Variants in CDH12 observed in about 807,000 individuals in gnomAD.
The protein encoded by CDH12 is cadherin-12.
CDH12 carries 41 observed loss-of-function variants against 74.1 expected under a neutral mutation model. The observed-to-expected ratio is 0.55, with a 90% CI of 0.43 to 0.72. The LOEUF (loss-of-function observed/expected upper bound fraction) is 0.72. CDH12 is among the 30% of genes least tolerant of loss of function. The pLI, the probability that CDH12 is intolerant of heterozygous loss-of-function variation, is 0.00. For synonymous variants in CDH12, 399 were observed against 355.0 expected (o/e 1.12, Z -1.39); for missense variants, 945 against 977.2 (o/e 0.97, Z 0.44).
intron 1 of CDH12, among the ~76,000 whole-genome samples, chr5:22,616,672 G>A (rs976438707): frequency 3.3e-5 from 5 of 151,984 alleles, no homozygotes; most frequent in Admixed American, 2.0e-4. Context: ...ATGATGAAAA[G>A]AAAGAAAGTA....
At chr5:22,117,889 C>G (rs1277079465) in intron 4 of CDH12, among the ~76,000 whole-genome samples, 1 of 151,776 alleles carries the variant, frequency 6.6e-6, no homozygotes, top group Non-Finnish European at 1.5e-5. Context: ...ACATAGATAA[C>G]ATAATTTAAT....
At chr5:22,342,702 TTC>T (rs1358649674) in intron 3 of CDH12, among the ~76,000 whole-genome samples, 2 of 150,068 alleles carry the variant, frequency 1.3e-5, no homozygotes, top group African/African-American at 4.9e-5. Context: ...TTCTTCTTTT[TTC>T]TTTCCTTCCC....
Position 22,319,759 on chromosome 5 carries a change from C to T in CDH12, c.-333+85498G>A, listed in dbSNP as rs567884666. On this transcript the variant is annotated intron_variant, in intron 3 of 14. Coordinates refer to ENST00000382254, the MANE Select transcript of CDH12 (RefSeq NM_004061.5). Reference sequence around the variant, plus strand: ...ACTAGATGAAAAAATATCACCCTTTCCATTGGGATCATTTCAGGGTTCCTT... The same window carrying T: ...ACTAGATGAAAAAATATCACCCTTTTCATTGGGATCATTTCAGGGTTCCTT... Among the ~76,000 whole-genome samples, 20 of 151,918 alleles carry T rather than the reference C, an allele frequency of 1.3e-4. No individual in the cohort carries two copies. The East Asian group carries it at 3.9e-3, about 29-fold the overall frequency.
chr5:22,700,731 T>A (rs1451716021), intron 1 of CDH12, among the ~76,000 whole-genome samples: 1 of 152,160 alleles, frequency 6.6e-6, no homozygotes. Flanking sequence ...GAAATGAAAA[T>A]CACCTAGATC....
chr5:22,467,877 T>A (rs1473425044), intron 2 of CDH12, among the ~76,000 whole-genome samples: 3 of 152,224 alleles, frequency 2.0e-5, no homozygotes. Context: ...TTTTATTTTG[T>A]TTTATTTAGG....
chr5:21,861,420 A>G (rs1346566931), intron 6 of CDH12, among the ~76,000 whole-genome samples: 1 of 152,092 alleles, frequency 6.6e-6, no homozygotes, highest in Non-Finnish European at 1.5e-5. Context: ...TAAAATAAAA[A>G]TATACTGAGT....
chr5:22,303,315 C>T (rs748439789), intron 3 of CDH12, among the ~76,000 whole-genome samples: 2 of 151,896 alleles, frequency 1.3e-5, no homozygotes, highest in Non-Finnish European at 2.9e-5. Context: ...AAACATGTCA[C>T]ATTAGTTTAT....
At chr5:22,519,232 T>G (rs1307344937) in intron 1 of CDH12, among the ~76,000 whole-genome samples, 1 of 152,190 alleles carries the variant, frequency 6.6e-6, no homozygotes, top group Non-Finnish European at 1.5e-5. Context: ...AGGGCTGTAC[T>G]GCTCGATTAA....
At chr5:22,336,466 A>G (rs1022234458) in intron 3 of CDH12, among the ~76,000 whole-genome samples, 1 of 152,136 alleles carries the variant, frequency 6.6e-6, no homozygotes, top group African/African-American at 2.4e-5. Flanking sequence ...GCCTAGGAAG[A>G]AAAAAAGGTT....
intron 4 of CDH12, among the ~76,000 whole-genome samples, chr5:22,109,729 G>A (rs1391041302): frequency 6.6e-6 from 1 of 152,142 alleles, no homozygotes; most frequent in African/African-American, 2.4e-5. Context: ...GAAGACTGTT[G>A]AAGAAAGTAC....
At chr5:22,633,893 A>G (rs914081081) in intron 1 of CDH12, among the ~76,000 whole-genome samples, 1 of 152,190 alleles carries the variant, frequency 6.6e-6, no homozygotes, top group Non-Finnish European at 1.5e-5. Context: ...AATTCTCTTT[A>G]TCTACAGAGC....
At chr5:21,949,247 G>A (rs1158746774) in intron 6 of CDH12, among the ~76,000 whole-genome samples, 1 of 151,862 alleles carries the variant, frequency 6.6e-6, no homozygotes, top group Middle Eastern at 3.2e-3. Context: ...TCAGGAGATC[G>A]AGACCATCCT....
chr5:22,599,206 T>C (rs1736736517), intron 1 of CDH12, among the ~76,000 whole-genome samples: 1 of 152,150 alleles, frequency 6.6e-6, no homozygotes, highest in Non-Finnish European at 1.5e-5. Flanking sequence ...TCCTGTCCCC[T>C]GATACAGAAA....
intron 6 of CDH12, among the ~76,000 whole-genome samples, chr5:21,923,748 CA>C (rs1277805901): frequency 1.3e-5 from 2 of 152,132 alleles, no homozygotes; most frequent in East Asian, 3.9e-4. Flanking sequence ...ATAGGTAACT[CA>C]TATGGATCTT....
chr5:22,392,455 C>G, intron 3 of CDH12, among the ~76,000 whole-genome samples: 1 of 152,142 alleles, frequency 6.6e-6, no homozygotes, highest in East Asian at 1.9e-4. Context: ...CTCACCCTGC[C>G]TCAACGTATT....
At chr5:21,974,849 A>G (rs1481675020) in intron 6 of CDH12, among the ~76,000 whole-genome samples, 1 of 152,226 alleles carries the variant, frequency 6.6e-6, no homozygotes, top group East Asian at 1.9e-4. Context: ...CAAGGATTCT[A>G]TGAATTCAGG....
At chr5:22,658,692 G>A (rs1294250175) in intron 1 of CDH12, among the ~76,000 whole-genome samples, 1 of 152,020 alleles carries the variant, frequency 6.6e-6, no homozygotes, top group Non-Finnish European at 1.5e-5. Context: ...TAACCATCAC[G>A]TTTCAAGAGG....
In CDH12 at chr5:22,546,432, T is replaced by C. The variant is rs560503511; in HGVS notation, c.-522-41068A>G. On this transcript the variant is annotated intron_variant, in intron 1 of 14. Coordinates refer to ENST00000382254, the MANE Select transcript of CDH12 (RefSeq NM_004061.5). ...TCTGTAGCATGTTCAGACCATTTCA[T>C]TTCATAAATTTCTGTGTATAAACTA... Among the ~76,000 whole-genome samples, 3 of 152,298 alleles carry C rather than the reference T, an allele frequency of 2.0e-5. No homozygotes were observed. In the South Asian group the frequency reaches 6.2e-4, roughly 32 times the overall value.
intron 4 of CDH12, among the ~76,000 whole-genome samples, chr5:22,150,022 C>T (rs1280435495): frequency 1.3e-5 from 2 of 151,880 alleles, no homozygotes; most frequent in Non-Finnish European, 1.5e-5. Flanking sequence ...TAAAATATTT[C>T]GCTCATAAAT....
Sources: allele counts gnomAD v4.1 joint callset (sites outside exome capture counted in the v4.1 genomes callset), GRCh38; gene constraint gnomAD v4.1.1; transcripts MANE v1.5; gene names NCBI Gene and HGNC (gene_info 2026-07-23, HGNC 2026-07-21).